Variants in SNRK observed in about 807,000 individuals in gnomAD.
SNRK encodes SNF-related serine/threonine-protein kinase.
Under a neutral mutation model 48.2 loss-of-function variants are expected in SNRK, and 3 were observed. That is an observed-to-expected ratio of 0.06 (90% confidence interval 0.03 to 0.16). The LOEUF (loss-of-function observed/expected upper bound fraction) is 0.16, where lower values mean the gene tolerates loss of function less well. Among genes scored for constraint, SNRK ranks in the 10% least tolerant of loss-of-function variants. The probability of loss-of-function intolerance (pLI) is 1.00; values close to 1 mark genes in which losing one functional copy is unlikely to be tolerated. For missense variants in SNRK, 627 were observed against 976.0 expected, an observed-to-expected ratio of 0.64 and a Z score of 4.76; for synonymous variants, 376 against 366.1, an observed-to-expected ratio of 1.03 and a Z score of -0.31.
At chr3:43,345,089 T>C (rs1473905877) in intron 6 of SNRK, among the ~76,000 whole-genome samples, 2 of 152,220 alleles carry the variant, frequency 1.3e-5, no homozygotes, top group Non-Finnish European at 2.9e-5. Context: ...ACCCTGTCTC[T>C]ATAAAAATTA....
intron 4 of SNRK, among the ~76,000 whole-genome samples, chr3:43,334,599 CTT>C (rs543154243): frequency 4.1e-5 from 6 of 144,810 alleles, no homozygotes; most frequent in Non-Finnish European, 4.6e-5. Context: ...TTTATATTAT[CTT>C]TTTTTTTTTT....
Position 43,303,658 on chromosome 3 carries a change from G to A in SNRK, c.455G>A (p.Gly152Asp), listed in dbSNP as rs1200176044. ...PENVVFFEKQ[G>D]LVKLTDFGFS... Reference sequence around the variant, plus strand: ...AATGTAGTCTTCTTTGAAAAACAAGGTCTTGTAAAGTTGACAGACTTTGGG... The same window carrying A: ...AATGTAGTCTTCTTTGAAAAACAAGATCTTGTAAAGTTGACAGACTTTGGG... The change falls in exon 3 of 7, where the codon GGT becomes GAT. Residue 152 changes from glycine (G) to aspartate (D), a missense_variant. Physicochemically the swap from Gly to Asp is moderately conservative, Grantham distance 94. Coordinates refer to ENST00000296088, the MANE Select transcript of SNRK (RefSeq NM_017719.5). The surrounding 1 kb of genome is among the most constrained non-coding windows in gnomAD (Gnocchi z 6.2). 1.9e-6 allele frequency: 3 copies of A among 1,614,132 alleles called. No individual in the cohort carries two copies. The highest frequency in any genetic ancestry group is 3.3e-5 in the Admixed American group (2 of 60,016).
rs115954243 is a variant in SNRK, at chr3:43,305,292, A to G, written c.589+1500A>G. Among the ~76,000 whole-genome samples, 463 of 152,272 alleles carry G rather than the reference A, an allele frequency of 3.0e-3. 5 individuals carry two copies. Among genetic ancestry groups the G allele is most frequent in the African/African-American group, 0.011 (441 of 41,576 alleles). Reference sequence around the variant, plus strand: ...CTCAGAGTAGCTCTCACTTATGCATACAAGAGATTTTCAAAGAACGTTTTT... The same window carrying G: ...CTCAGAGTAGCTCTCACTTATGCATGCAAGAGATTTTCAAAGAACGTTTTT... On this transcript the variant is annotated intron_variant, in intron 3 of 6. Coordinates refer to ENST00000296088, the MANE Select transcript of SNRK (RefSeq NM_017719.5).
chr3:43,315,140 C>T (rs946240519), intron 3 of SNRK: 2 of 152,128 alleles, frequency 1.3e-5, no homozygotes, highest in African/African-American at 4.8e-5. Context: ...GAGAGATGAG[C>T]TGGCCTAGTT....
intron 1 of SNRK, among the ~76,000 whole-genome samples, chr3:43,297,775 A>G (rs923992238): frequency 6.6e-6 from 1 of 152,194 alleles, no homozygotes; most frequent in Admixed American, 6.5e-5. Context: ...TATCATTTTA[A>G]AAGCAAATAC....
chr3:43,312,124 G>A (rs185078353), intron 3 of SNRK, among the ~76,000 whole-genome samples: 1 of 152,162 alleles, frequency 6.6e-6, no homozygotes, highest in African/African-American at 2.4e-5. Context: ...CTTATTTTAG[G>A]CGTTTCCTAG....
At chr3:43,328,699 A>AT (rs1340903764) in intron 3 of SNRK, among the ~76,000 whole-genome samples, 1 of 152,128 alleles carries the variant, frequency 6.6e-6, no homozygotes, top group Non-Finnish European at 1.5e-5. Context: ...AAAAACCTGA[A>AT]TTACTAAGAA....
At chr3:43,334,215 C>T (rs917720578) in intron 4 of SNRK, among the ~76,000 whole-genome samples, 4 of 151,860 alleles carry the variant, frequency 2.6e-5, no homozygotes, top group African/African-American at 9.7e-5. Context: ...CTTTGGGAGG[C>T]CAAGATGGAA....
intron 1 of SNRK, among the ~76,000 whole-genome samples, chr3:43,291,795 A>G (rs1168693654): frequency 6.6e-6 from 1 of 152,088 alleles, no homozygotes; most frequent in Non-Finnish European, 1.5e-5. Context: ...TGGTGAAGAT[A>G]ATAAGAAAAG....
At chr3:43,299,465 C>T (rs191251264) in intron 1 of SNRK, among the ~76,000 whole-genome samples, 6 of 152,254 alleles carry the variant, frequency 3.9e-5, no homozygotes, top group South Asian at 4.1e-4. Context: ...CGTGAGCCAC[C>T]GCACCCGGCC....
chr3:43,343,250 A>T, intron 5 of SNRK, 94 bp from the exon 6 acceptor site: 1 of 1,420,654 alleles, frequency 7.0e-7, no homozygotes, highest in Non-Finnish European at 9.3e-7. Context: ...CAGCCATTGA[A>T]TTTAACTTGC....
chr3:43,344,961 G>T (rs931727909), intron 6 of SNRK, among the ~76,000 whole-genome samples: 24 of 152,212 alleles, frequency 1.6e-4, no homozygotes, highest in African/African-American at 4.3e-4. Flanking sequence ...TTGTATATGT[G>T]AGACCAACAT....
In SNRK at chr3:43,348,279, T is replaced by A; in HGVS notation, c.2020T>A (p.Phe674Ile). Residue 674 changes from phenylalanine (F) to isoleucine (I), a missense_variant, in exon 7 of 7, where the codon TTT (phenylalanine) becomes ATT (isoleucine). Physicochemically the swap from Phe to Ile is conservative, Grantham distance 21. Coordinates refer to ENST00000296088, the MANE Select transcript of SNRK (RefSeq NM_017719.5). ...TATTGATCCACAGAATGGCTTGTCA[T>A]TTTCCAGTGTGAAAGTCCAAGAGAA... is the stretch of plus-strand genomic sequence containing the variant. ...YIIDPQNGLSFSSVKVQEKST... is the reference protein window; with the variant it reads ...YIIDPQNGLSISSVKVQEKST... The A allele has an allele frequency of 6.2e-7, 1 of 1,614,096 alleles. No individual in the cohort carries two copies. Among genetic ancestry groups the A allele is most frequent in the Non-Finnish European group, 8.5e-7 (1 of 1,179,962 alleles).
chr3:43,332,637 A>G (rs1415910655), intron 4 of SNRK: 3 of 173,442 alleles, frequency 1.7e-5, no homozygotes, highest in Non-Finnish European at 3.6e-5. Context: ...TACCATGGGA[A>G]CTACCTTTCT....
In SNRK at chr3:43,347,827, A is replaced by C. The variant is rs1391671220; in HGVS notation, c.1568A>C (p.His523Pro). 6.8e-6 allele frequency: 11 copies of C among 1,614,044 alleles called. 1 individual carries two copies. The Admixed American group carries it at 1.8e-4, about 27-fold the overall frequency. Residue 523 changes from histidine (H) to proline (P), a missense_variant, in exon 7 of 7, where the codon CAC becomes CCC. His to Pro is a moderately conservative substitution (Grantham distance 77). Transcript: ENST00000296088. The surrounding 1 kb of genome is among the most constrained non-coding windows in gnomAD (Gnocchi z 5.4). ...KMNIASPGTV[H>P]KRYHRRKSQG... ...AATATAGCTTCTCCAGGTACAGTTC[A>C]CAAACGCTACCACCGGAGGAAAAGT...
intron 3 of SNRK, among the ~76,000 whole-genome samples, chr3:43,306,403 T>G (rs888032016): frequency 2.0e-5 from 3 of 152,274 alleles, no homozygotes; most frequent in African/African-American, 7.2e-5. Context: ...TTTTTTTGAA[T>G]AAGTGTTTTA....
chr3:43,291,060 A>C (rs1321599774), intron 1 of SNRK, among the ~76,000 whole-genome samples: 1 of 152,174 alleles, frequency 6.6e-6, no homozygotes, highest in Admixed American at 6.5e-5. Context: ...ATGGTCAGGA[A>C]GTCGTCCTTT....
intron 3 of SNRK, among the ~76,000 whole-genome samples, chr3:43,311,016 C>T (rs1243273275): frequency 1.3e-5 from 2 of 152,040 alleles, no homozygotes; most frequent in Non-Finnish European, 2.9e-5. Flanking sequence ...TGTCTGAGTA[C>T]TCTAGTGATA....
chr3:43,334,936 G>T (rs989383020), intron 4 of SNRK, among the ~76,000 whole-genome samples: 7 of 151,886 alleles, frequency 4.6e-5, no homozygotes, highest in African/African-American at 1.7e-4. Context: ...AAGAAGTGTG[G>T]ATATATTGTC....
Sources: gnomAD v4.1 joint callset for allele counts (sites outside exome capture counted in the v4.1 genomes callset) on GRCh38, gnomAD v4.1.1 for gene constraint, Gnocchi (gnomAD v3.1) non-coding constraint, MANE v1.5 for transcripts, NCBI Gene and HGNC (gene_info 2026-07-23, HGNC 2026-07-21) for gene names.